KCNMA1: variants seen among roughly 807,000 people sequenced by gnomAD.
KCNMA1 encodes potassium calcium-activated channel subfamily M alpha 1, also known as Calcium-activated potassium channel subunit alpha-1.
In KCNMA1, 29 loss-of-function variants were observed where a neutral mutation model predicts 140.0. That is an observed-to-expected ratio of 0.21 (90% CI 0.15 to 0.28). The LOEUF is 0.28. Among genes scored for constraint, KCNMA1 ranks in the 10% least tolerant of loss-of-function variants. The pLI is 1.00. For missense variants in KCNMA1, 880 were observed against 1,602.2 expected (o/e 0.55, Z 7.70); for synonymous variants, 612 against 611.9 (o/e 1.00, Z 0.00).
chr10:77,478,634 C>A (rs1419515200), intron 1 of KCNMA1, among the ~76,000 whole-genome samples: 1 of 152,212 alleles, frequency 6.6e-6, no homozygotes, highest in African/African-American at 2.4e-5. Context: ...TATCACAAAA[C>A]TCTACATGTG....
In KCNMA1 at chr10:77,546,941, A is replaced by G. The variant is rs140382722; in HGVS notation, c.378+90324T>C. 1.7e-3 allele frequency among the ~76,000 whole-genome samples: 259 copies of G among 152,326 alleles called. 2 individuals are homozygous for G. Among genetic ancestry groups the G allele is most frequent in the African/African-American group, 5.9e-3 (247 of 41,572 alleles). ...GTGAGACCCAAAGCTCAGAGAAGTC[A>G]AAGACTTTGCCTGAGGATCTTACCT... On this transcript the variant is annotated intron_variant, in intron 1 of 27. Transcript: ENST00000286628.
Position 76,970,021 on chromosome 10 carries a change from C to T in KCNMA1, c.2313G>A (p.Arg771=), listed in dbSNP as rs566306042. 19 of 1,614,056 alleles carry T rather than the reference C, an allele frequency of 1.2e-5. No individual in the cohort carries two copies. The East Asian group carries it at 3.8e-4, about 32-fold the overall frequency. The change falls in exon 20 of 28, where the codon CGG becomes CGA. Residue 771 remains arginine (R), a synonymous_variant. Coordinates refer to ENST00000286628, the MANE Select transcript of KCNMA1 (RefSeq NM_001161352.2). ...PSTLSPKKKQ[R]NGGMRNSPNT... Reference sequence around the variant, plus strand: ...TGGGTGAGTTCCGCATGCCTCCATTCCGTTGCTTTTTTTTTGGTGATAGTG... The same window carrying T: ...TGGGTGAGTTCCGCATGCCTCCATTTCGTTGCTTTTTTTTTGGTGATAGTG...
At chr10:76,984,238 A>G (rs1394918537) in intron 19 of KCNMA1, among the ~76,000 whole-genome samples, 1 of 151,142 alleles carries the variant, frequency 6.6e-6, no homozygotes, top group East Asian at 1.9e-4. Flanking sequence ...TCTGTCACCC[A>G]GGCTCCCAGG....
chr10:77,533,214 C>A (rs543226809), intron 1 of KCNMA1, among the ~76,000 whole-genome samples: 1 of 152,156 alleles, frequency 6.6e-6, no homozygotes, highest in African/African-American at 2.4e-5. Flanking sequence ...TTGAGACACC[C>A]CAACAAGGTC....
At chr10:77,026,776 GTTTTC>G (rs2093492524) in intron 16 of KCNMA1, among the ~76,000 whole-genome samples, 1 of 152,100 alleles carries the variant, frequency 6.6e-6, no homozygotes, top group Non-Finnish European at 1.5e-5. Context: ...ACAATCCAGT[GTTTTC>G]TTTTCTTTTG....
At chr10:77,282,154 C>T (rs917061802) in intron 2 of KCNMA1, among the ~76,000 whole-genome samples, 1 of 152,174 alleles carries the variant, frequency 6.6e-6, no homozygotes, top group African/African-American at 2.4e-5. Flanking sequence ...CCACTTTCCT[C>T]CCATCCCTTA....
intron 24 of KCNMA1, chr10:76,914,673 C>A: frequency 4.9e-6 from 2 of 406,226 alleles, no homozygotes; most frequent in South Asian, 2.5e-5. Context: ...ATGCCCCAAT[C>A]GCAAATCCAT....
intron 6 of KCNMA1, among the ~76,000 whole-genome samples, chr10:77,120,386 AG>A (rs1294965465): frequency 2.0e-5 from 3 of 152,178 alleles, no homozygotes; most frequent in African/African-American, 7.2e-5. Flanking sequence ...TGCATTCGGC[AG>A]GAGGTTTGTA....
chr10:77,527,370 T>G (rs2176283), intron 1 of KCNMA1, among the ~76,000 whole-genome samples: 91,958 of 152,116 alleles, frequency 0.6, 28,700 homozygotes, highest in East Asian at 0.8. Context: ...AGTAGTTAAT[T>G]CCCTAGCATG....
chr10:76,993,739 T>C (rs2083421583), intron 19 of KCNMA1, among the ~76,000 whole-genome samples: 2 of 152,176 alleles, frequency 1.3e-5, no homozygotes, highest in African/African-American at 4.8e-5. Flanking sequence ...CAAACACCAA[T>C]ATGATAGTGT....
intron 2 of KCNMA1, among the ~76,000 whole-genome samples, chr10:77,252,777 A>T (rs1166445302): frequency 1.3e-5 from 2 of 152,122 alleles, no homozygotes; most frequent in Non-Finnish European, 2.9e-5. Context: ...AAACAATTGG[A>T]CACTGTAAAA....
At chr10:77,431,681 TAAAA>T (rs71028276) in intron 1 of KCNMA1, among the ~76,000 whole-genome samples, 77 of 75,410 alleles carry the variant, frequency 1.0e-3, no homozygotes, top group African/African-American at 2.9e-3. Context: ...TGGTCTGTTG[TAAAA>T]AAAAAAAAAA....
chr10:76,894,221 G>A, intron 25 of KCNMA1, among the ~76,000 whole-genome samples: 1 of 152,110 alleles, frequency 6.6e-6, no homozygotes, highest in East Asian at 1.9e-4. Flanking sequence ...ACCATTCAAT[G>A]GAGAAGTTAA....
intron 2 of KCNMA1, among the ~76,000 whole-genome samples, chr10:77,270,815 G>C (rs946509323): frequency 6.6e-6 from 1 of 151,974 alleles, no homozygotes; most frequent in African/African-American, 2.4e-5. Flanking sequence ...AGAGGCTTGA[G>C]GGTAAACTTC....
chr10:77,567,196 G>A (rs1483505142), intron 1 of KCNMA1, among the ~76,000 whole-genome samples: 1 of 152,244 alleles, frequency 6.6e-6, no homozygotes, highest in Non-Finnish European at 1.5e-5. Flanking sequence ...GCAATGTTCA[G>A]ATTTCCCAAG....
chr10:77,556,767 C>T (rs1329222871), intron 1 of KCNMA1, among the ~76,000 whole-genome samples: 1 of 152,116 alleles, frequency 6.6e-6, no homozygotes, highest in Non-Finnish European at 1.5e-5. Context: ...ACCATCTTCC[C>T]TCCGCACACA....
chr10:77,234,453 CA>C (rs1214417338), intron 3 of KCNMA1, among the ~76,000 whole-genome samples: 1 of 152,186 alleles, frequency 6.6e-6, no homozygotes, highest in Non-Finnish European at 1.5e-5. Context: ...AAAATAGTGT[CA>C]GGCACATAAT....
chr10:77,375,667 A>T (rs537643858), intron 2 of KCNMA1, among the ~76,000 whole-genome samples: 2 of 152,294 alleles, frequency 1.3e-5, no homozygotes, highest in South Asian at 4.1e-4. Context: ...GACCCCCTTC[A>T]AGAAGGACTT....
In KCNMA1 at chr10:77,637,603, C is replaced by CGCCGCTGCT. The variant is rs1277541309; in HGVS notation, c.31_39dup (p.Ser11_Gly13dup). On this transcript the variant is annotated inframe_insertion, in exon 1 of 28. Coordinates refer to ENST00000286628, the MANE Select transcript of KCNMA1 (RefSeq NM_001161352.2). ...CTGCTGCCTCCGCCGCCGCCGCCGC[C>CGCCGCTGCT]GCCGCTGCTGCCGCCGCCGCCGCCG... 6.6e-7 allele frequency: 1 copy of CGCCGCTGCT among 1,525,648 alleles called. No individual in the cohort carries two copies. Among genetic ancestry groups the CGCCGCTGCT allele is most frequent in the Non-Finnish European group, 8.8e-7 (1 of 1,140,638 alleles). The allele number at this position is 1,525,648 out of a possible 1,614,324, so 94.5% of individuals were successfully genotyped here. A position where few individuals can be genotyped will look rare whatever the true frequency, so the allele number is the denominator to read the frequency against.
Sources: gnomAD v4.1 joint callset for allele counts (sites outside exome capture counted in the v4.1 genomes callset) on GRCh38, gnomAD v4.1.1 for gene constraint, MANE v1.5 for transcripts, NCBI Gene and HGNC (gene_info 2026-07-23, HGNC 2026-07-21) for gene names.